CEP112: variants seen among roughly 807,000 people sequenced by gnomAD.
CEP112 encodes centrosomal protein 112.
In CEP112, 127 loss-of-function variants were observed where a neutral mutation model predicts 153.0. That is an observed-to-expected ratio of 0.83 (90% CI 0.72 to 0.96). The LOEUF (loss-of-function observed/expected upper bound fraction) is 0.96, where lower values mean the gene tolerates loss of function less well. Ranked by LOEUF, CEP112 falls within the 40% of genes least tolerant of loss-of-function variation. CEP112 has a pLI of 0.00. For synonymous variants in CEP112, 358 were observed against 374.4 expected, an observed-to-expected ratio of 0.96 and a Z score of 0.51; for missense variants, 1,089 against 1,101.2, an observed-to-expected ratio of 0.99 and a Z score of 0.16.
At chr17:65,917,209 T>C (rs1395194388) in intron 19 of CEP112, among the ~76,000 whole-genome samples, 1 of 152,158 alleles carries the variant, frequency 6.6e-6, no homozygotes. Flanking sequence ...AGGATTGCAT[T>C]TGTCTTGATC....
intron 18 of CEP112, among the ~76,000 whole-genome samples, chr17:65,936,988 G>A (rs1349974743): frequency 2.0e-5 from 3 of 150,458 alleles, no homozygotes; most frequent in South Asian, 2.2e-4. Flanking sequence ...ACTGGTTTTC[G>A]TATTTTTTTG....
chr17:65,732,351 T>C (rs2050559459), intron 23 of CEP112, among the ~76,000 whole-genome samples: 1 of 152,202 alleles, frequency 6.6e-6, no homozygotes, highest in Admixed American at 6.5e-5. Flanking sequence ...AACCATGCTG[T>C]AAACCAAGCT....
intron 21 of CEP112, among the ~76,000 whole-genome samples, chr17:65,775,890 C>T (rs887230628): frequency 2.0e-5 from 3 of 152,226 alleles, no homozygotes; most frequent in Non-Finnish European, 2.9e-5. Flanking sequence ...ACTGATTCTT[C>T]CGTAGCCACA....
rs1567819314 is a variant in CEP112, at chr17:65,656,841, C to CACACAGAACTTACAGAACGAATTAGA, written c.2698-15777_2698-15776insTCTAATTCGTTCTGTAAGTTCTGTGT. ...AATATTTGCTGATGAATGAACGAAT[C>CACACAGAACTTACAGAACGAATTAGA]ACACAGAGCTTACAACCTTTGGTGT... On this transcript the variant is annotated intron_variant, in intron 24 of 26. Coordinates refer to ENST00000535342, the MANE Select transcript of CEP112 (RefSeq NM_001199165.4). Among the ~76,000 whole-genome samples, 4 of 152,326 alleles carry CACACAGAACTTACAGAACGAATTAGA rather than the reference C, an allele frequency of 2.6e-5. No individual in the cohort carries two copies. In the East Asian group the frequency reaches 7.7e-4, roughly 29 times the overall value.
intron 18 of CEP112, among the ~76,000 whole-genome samples, chr17:65,929,523 A>G (rs929541282): frequency 7.2e-5 from 11 of 152,074 alleles, no homozygotes; most frequent in Non-Finnish European, 1.6e-4. Flanking sequence ...GTACATTGCA[A>G]TTCCCCAGCC....
chr17:65,712,876 T>C (rs2049277655), intron 23 of CEP112, among the ~76,000 whole-genome samples: 1 of 152,102 alleles, frequency 6.6e-6, no homozygotes, highest in African/African-American at 2.4e-5. Flanking sequence ...TTATCGGCAG[T>C]GCAGAACTAT....
intron 19 of CEP112, among the ~76,000 whole-genome samples, chr17:65,904,355 A>G (rs6504371): frequency 0.96 from 145,912 of 152,160 alleles, 70,281 homozygotes; most frequent in East Asian, 1. Flanking sequence ...ATTCACAATT[A>G]CTACAAAGAG....
chr17:65,664,817 A>G (rs1158996025), intron 24 of CEP112, among the ~76,000 whole-genome samples: 3 of 152,190 alleles, frequency 2.0e-5, no homozygotes, highest in Non-Finnish European at 4.4e-5. Flanking sequence ...TGCTATAACA[A>G]AACACTGTGG....
intron 4 of CEP112, among the ~76,000 whole-genome samples, chr17:66,174,092 C>T (rs1375361131): frequency 1.3e-5 from 2 of 152,086 alleles, no homozygotes; most frequent in African/African-American, 4.8e-5. Context: ...CCACGCCTGG[C>T]TAATTTTTTG....
At chr17:65,989,600 C>G (rs2063524900) in intron 17 of CEP112, among the ~76,000 whole-genome samples, 2 of 152,276 alleles carry the variant, frequency 1.3e-5, no homozygotes, top group South Asian at 4.1e-4. Flanking sequence ...CCAGAACCAT[C>G]TTACAACAAA....
intron 24 of CEP112, among the ~76,000 whole-genome samples, chr17:65,660,166 T>C (rs895470429): frequency 1.3e-5 from 2 of 151,854 alleles, no homozygotes; most frequent in African/African-American, 4.9e-5. Flanking sequence ...GAGACTAATA[T>C]ACCTTGATTT....
rs1224198732 is a variant in CEP112, at chr17:66,148,255, G to C, written c.471-15492C>G. ...TTACTACCACAAGAACAGTATGGAG[G>C]AAACAGCCATGATTCAATTATCTCC... On this transcript the variant is annotated intron_variant, in intron 4 of 26. Transcript: ENST00000535342. Among the ~76,000 whole-genome samples, 3 of 152,142 alleles carry C rather than the reference G, an allele frequency of 2.0e-5. No individual in the cohort carries two copies. In the East Asian group the frequency reaches 5.8e-4, roughly 29 times the overall value.
intron 9 of CEP112, among the ~76,000 whole-genome samples, chr17:66,069,073 T>C (rs1216095064): frequency 6.6e-6 from 1 of 151,582 alleles, no homozygotes; most frequent in Non-Finnish European, 1.5e-5. Flanking sequence ...CAAATACGTA[T>C]TTTACTAAAT....
chr17:65,741,376 A>G (rs2051125106), intron 23 of CEP112, among the ~76,000 whole-genome samples: 1 of 152,096 alleles, frequency 6.6e-6, no homozygotes, highest in Non-Finnish European at 1.5e-5. Flanking sequence ...CTTTATGTAT[A>G]ATCTAAGTGA....
chr17:65,949,623 T>C (rs1324908234), intron 18 of CEP112, among the ~76,000 whole-genome samples: 2 of 152,104 alleles, frequency 1.3e-5, no homozygotes, highest in African/African-American at 4.8e-5. Flanking sequence ...AACTCTTAGA[T>C]AAAGAAGAAG....
At chr17:65,713,648 A>G (rs974666303) in intron 23 of CEP112, among the ~76,000 whole-genome samples, 6 of 152,162 alleles carry the variant, frequency 3.9e-5, no homozygotes, top group East Asian at 1.9e-4. Context: ...GTGCAGTGGC[A>G]CGATCTCAGC....
chr17:66,048,981 A>G (rs1440942913), intron 12 of CEP112, among the ~76,000 whole-genome samples: 1 of 152,210 alleles, frequency 6.6e-6, no homozygotes, highest in Non-Finnish European at 1.5e-5. Context: ...TCAAAAGACC[A>G]TCTTTCCCTC....
rs142994998 is a variant in CEP112, at chr17:65,999,446, C to T, written c.1736+6244G>A. 8.8e-3 allele frequency among the ~76,000 whole-genome samples: 1,344 copies of T among 152,184 alleles called. 10 individuals carry two copies. The highest frequency in any genetic ancestry group is 0.016 in the Non-Finnish European group (1,062 of 67,990). ...TCGATCTCCTGACCTCGTGATTTGC[C>T]CACCTCGGCCTCCCAAAGTGCTGGG... On this transcript the variant is annotated intron_variant, in intron 17 of 26. Coordinates refer to ENST00000535342, the MANE Select transcript of CEP112 (RefSeq NM_001199165.4).
intron 21 of CEP112, among the ~76,000 whole-genome samples, chr17:65,845,205 G>A (rs919723301): frequency 6.6e-6 from 1 of 152,164 alleles, no homozygotes; most frequent in Non-Finnish European, 1.5e-5. Context: ...TGTAATCCCA[G>A]ATACTTGGGA....
Sources: gnomAD v4.1 joint callset for allele counts (sites outside exome capture counted in the v4.1 genomes callset) on GRCh38, gnomAD v4.1.1 for gene constraint, MANE v1.5 for transcripts, NCBI Gene and HGNC (gene_info 2026-07-23, HGNC 2026-07-21) for gene names.